The following ZNF568 variants were observed in gnomAD, a reference collection of about 807,000 sequenced individuals.
ZNF568 encodes the protein p53 inhibitor of SCO2 activation.
Under a neutral mutation model 18.1 loss-of-function variants are expected in ZNF568, and 11 were observed. The ratio of observed to expected loss-of-function variants is 0.61; its 90% CI spans 0.38 to 1.00. The LOEUF is 1.00. Ranked by LOEUF, ZNF568 falls within the 50% of genes least tolerant of loss-of-function variation. The pLI is 0.01. For synonymous variants in ZNF568, 213 were observed against 246.6 expected, an observed-to-expected ratio of 0.86 and a Z score of 1.28; for missense variants, 639 against 768.2, an observed-to-expected ratio of 0.83 and a Z score of 1.99.
chr19:36,988,755 C>A (rs2074398264), intron 2 of ZNF568, among the ~76,000 whole-genome samples: 1 of 152,034 alleles, frequency 6.6e-6, no homozygotes, highest in African/African-American at 2.4e-5. Context: ...TTATGGGGTA[C>A]AATTTGATGT....
At chr19:36,982,566 C>T (rs748565780), downstream of ZNF568, among the ~76,000 whole-genome samples, 1 of 151,906 alleles carries the variant, frequency 6.6e-6, no homozygotes, top group Non-Finnish European at 1.5e-5. Context: ...ATTAGCCGAG[C>T]GAGGTGGCAG....
chr19:36,916,885 T>C lies in ZNF568; in HGVS notation c.-256+294T>C, dbSNP rs962701642. On this transcript the variant is annotated intron_variant, in intron 1 of 6. Coordinates refer to ENST00000333987, the MANE Select transcript of ZNF568 (RefSeq NM_198539.4). This position sits in a 1 kb window ranked among gnomAD's most constrained non-coding sequence, Gnocchi z 5.3. ...GCTTGAAAAACACTTATTTGTTTTC[T>C]ACTGATCCTCCCTCCTTGTTGGCCA... 1.3e-5 allele frequency among the ~76,000 whole-genome samples: 2 copies of C among 152,206 alleles called. No individual in the cohort carries two copies. Among genetic ancestry groups the C allele is most frequent in the Non-Finnish European group, 2.9e-5 (2 of 68,028 alleles).
intron 4 of ZNF568, among the ~76,000 whole-genome samples, chr19:36,927,842 ATATGTG>A (rs1439329932): frequency 2.6e-4 from 15 of 57,554 alleles, no homozygotes; most frequent in African/African-American, 1.3e-3. Flanking sequence ...ATATAAAGAT[ATATGTG>A]TGTGTGTGTG....
chr19:36,945,869 G>A (rs995911677), intron 6 of ZNF568, among the ~76,000 whole-genome samples: 4 of 151,762 alleles, frequency 2.6e-5, no homozygotes, highest in African/African-American at 4.8e-5. Context: ...TGGGGCGGGC[G>A]GATCATGAGG....
chr19:36,942,328 G>A (rs981146825), intron 6 of ZNF568, among the ~76,000 whole-genome samples: 15 of 151,634 alleles, frequency 9.9e-5, no homozygotes, highest in African/African-American at 2.9e-4. Flanking sequence ...AGCTGGTCGC[G>A]GCAGCTCACG....
intron 2 of ZNF568, among the ~76,000 whole-genome samples, chr19:36,920,075 G>A (rs2073425578): frequency 6.6e-6 from 1 of 152,092 alleles, no homozygotes; most frequent in Non-Finnish European, 1.5e-5. Context: ...ATAGCTCTGT[G>A]TGTGTTATTG....
At chr19:36,946,067 C>T (rs1192752502) in intron 6 of ZNF568, among the ~76,000 whole-genome samples, 1 of 151,802 alleles carries the variant, frequency 6.6e-6, no homozygotes, top group Non-Finnish European at 1.5e-5. Flanking sequence ...TGCACTCCAG[C>T]CTGGCGACAG....
chr19:36,977,789 C>T (rs1463264187), intron 7 of ZNF568, among the ~76,000 whole-genome samples: 1 of 152,160 alleles, frequency 6.6e-6, no homozygotes, highest in East Asian at 1.9e-4. Context: ...TAATGGGAGG[C>T]TGTGCATTGT....
chr19:36,966,544 A>G (rs1190153856), intron 6 of ZNF568, among the ~76,000 whole-genome samples: 1 of 152,224 alleles, frequency 6.6e-6, no homozygotes, highest in Non-Finnish European at 1.5e-5. Flanking sequence ...GTCAGTTATC[A>G]GTGTATTGCC....
Position 36,950,340 on chromosome 19 carries a change from G to C in ZNF568, c.1187G>C (p.Gly396Ala), listed in dbSNP as rs773689819. 2.5e-6 allele frequency: 4 copies of C among 1,613,740 alleles called. No homozygotes were observed. The highest frequency in any genetic ancestry group is 1.7e-5 in the Admixed American group (1 of 59,974). Residue 396 changes from glycine (G) to alanine (A), a missense_variant, in exon 7 of 7, where the codon GGA becomes GCA. Coordinates refer to ENST00000333987, the MANE Select transcript of ZNF568 (RefSeq NM_198539.4). ...AAACCCTATAAATGTAATAAATGTGGAAAAGCTTTCTCTCAATGCTCAGTA... is the reference window on the plus strand; with the variant it reads ...AAACCCTATAAATGTAATAAATGTGCAAAAGCTTTCTCTCAATGCTCAGTA... ...GEKPYKCNKC[G>A]KAFSQCSVFI... is the part of the protein sequence containing the mutation.
At chr19:36,924,364 G>A (rs868610146) in intron 3 of ZNF568, among the ~76,000 whole-genome samples, 11 of 151,622 alleles carry the variant, frequency 7.3e-5, no homozygotes, top group African/African-American at 2.7e-4. Context: ...GACTACAGGC[G>A]CACGCCACTA....
intron 1 of ZNF568, 45 bp from the exon 2 acceptor site, chr19:36,917,534 C>G (rs994094462): frequency 1.3e-5 from 2 of 152,130 alleles, no homozygotes; most frequent in African/African-American, 4.8e-5. Context: ...TATTGTATTT[C>G]TTAAGAATTT....
At chr19:36,937,290 G>T (rs754361295) in intron 6 of ZNF568, 48 bp downstream of exon 6, 1 of 1,494,946 alleles carries the variant, frequency 6.7e-7, no homozygotes, top group Non-Finnish European at 9.3e-7. Context: ...CATGAGAGTT[G>T]TTCAGTGAAG....
intron 4 of ZNF568, among the ~76,000 whole-genome samples, chr19:36,935,707 C>A (rs968619425): frequency 6.6e-6 from 1 of 151,936 alleles, no homozygotes; most frequent in Non-Finnish European, 1.5e-5. Flanking sequence ...CCAGATTGAC[C>A]CTTTTATCAT....
intron 6 of ZNF568, among the ~76,000 whole-genome samples, chr19:36,938,872 C>T (rs1442870587): frequency 1.3e-5 from 2 of 152,152 alleles, no homozygotes; most frequent in African/African-American, 4.8e-5. Flanking sequence ...CAATCAGTAT[C>T]AGTTTTTCCT....
At chr19:36,930,335 G>T (rs758979249) in intron 4 of ZNF568, among the ~76,000 whole-genome samples, 1 of 151,382 alleles carries the variant, frequency 6.6e-6, no homozygotes, top group Non-Finnish European at 1.5e-5. Context: ...TCAGCCTCCC[G>T]AGTCGCTGGG....
At chr19:36,953,223 TC>T (rs2074081942), downstream of ZNF568, among the ~76,000 whole-genome samples, 1 of 152,212 alleles carries the variant, frequency 6.6e-6, no homozygotes, top group African/African-American at 2.4e-5. Flanking sequence ...TTAAGATTTT[TC>T]CTGGGAAAGT....
downstream of ZNF568, among the ~76,000 whole-genome samples, chr19:36,953,297 T>C (rs1238576750): frequency 6.6e-6 from 1 of 152,260 alleles, no homozygotes; most frequent in Non-Finnish European, 1.5e-5. Context: ...GGCATTAATA[T>C]CATTGTTAAT....
At chr19:36,934,772 T>C (rs1359848083) in intron 4 of ZNF568, among the ~76,000 whole-genome samples, 2 of 152,256 alleles carry the variant, frequency 1.3e-5, no homozygotes, top group African/African-American at 4.8e-5. Context: ...CCTCAAAGTA[T>C]TTTGTAATTT....
Sources: allele counts gnomAD v4.1 joint callset (sites outside exome capture counted in the v4.1 genomes callset), GRCh38; gene constraint gnomAD v4.1.1; non-coding constraint Gnocchi (gnomAD v3.1); transcripts MANE v1.5; gene names NCBI Gene and HGNC (gene_info 2026-07-23, HGNC 2026-07-21).